The following OLFM1 variants were observed in gnomAD, a reference collection of about 807,000 sequenced individuals.
OLFM1 encodes the protein olfactomedin 1.
Under a neutral mutation model 49.7 loss-of-function variants are expected in OLFM1, and 9 were observed. That is an observed-to-expected ratio of 0.18 (90% confidence interval 0.11 to 0.32). The LOEUF (loss-of-function observed/expected upper bound fraction) is 0.32. Ranked by LOEUF, OLFM1 falls within the 10% of genes least tolerant of loss-of-function variation. The probability of loss-of-function intolerance (pLI) is 1.00; values close to 1 mark genes in which losing one functional copy is unlikely to be tolerated. For synonymous variants in OLFM1, 240 were observed against 271.8 expected (o/e 0.88, Z 1.15); for missense variants, 369 against 661.8 (o/e 0.56, Z 4.85).
rs534177262 is a variant in OLFM1 at position 135,088,724 on chromosome 9, G to C, written c.150+585G>C. Among the ~76,000 whole-genome samples the C allele has an allele frequency of 6.6e-6, 1 of 152,178 alleles. No homozygotes were observed. Among genetic ancestry groups the C allele is most frequent in the Non-Finnish European group, 1.5e-5 (1 of 68,024 alleles). ...CCTTTCCTCCCCAGTCCATAGGAGG[G>C]TTTGTTCCTTCTCCTCCGAGGACGG... is the stretch of plus-strand genomic sequence containing the variant. On this transcript the variant is annotated intron_variant, in intron 1 of 5. Coordinates refer to ENST00000371793, the MANE Select transcript of OLFM1 (RefSeq NM_001282611.2). This position sits in a 1 kb window ranked among gnomAD's most constrained non-coding sequence, Gnocchi z 4.8.
chr9:135,075,886 T>TGGCTC, intron 1 of OLFM1: 1 of 1,332,068 alleles, frequency 7.5e-7, no homozygotes, highest in Non-Finnish European at 9.8e-7. Context: ...GGAACGGCTC[T>TGGCTC]GGCTCCGCGC....
At chr9:135,075,524 C>A (rs1830450349) in exon 1 of OLFM1, 1 of 409,326 alleles carries the variant, frequency 2.4e-6, no homozygotes, top group Non-Finnish European at 4.3e-6. Context: ...GGAACCGGGA[C>A]GCGATAAATA....
chr9:135,116,016 C>T (rs892488712), intron 5 of OLFM1, among the ~76,000 whole-genome samples: 2 of 152,212 alleles, frequency 1.3e-5, no homozygotes, highest in Non-Finnish European at 2.9e-5. Flanking sequence ...GGCGCAAGTG[C>T]TCAATCTCCC....
At chr9:135,091,241 A>G (rs1465999335) in intron 2 of OLFM1, among the ~76,000 whole-genome samples, 2 of 152,218 alleles carry the variant, frequency 1.3e-5, no homozygotes, top group Admixed American at 6.5e-5. Context: ...AGGACCCCGT[A>G]TTCTGTGGTT....
chr9:135,102,590 C>A (rs1239335702), intron 4 of OLFM1, among the ~76,000 whole-genome samples: 2 of 152,198 alleles, frequency 1.3e-5, no homozygotes, highest in Non-Finnish European at 2.9e-5. Flanking sequence ...TGCCGTGACC[C>A]TTTCCTCAGT....
intron 1 of OLFM1, chr9:135,076,690 C>A: frequency 7.3e-7 from 1 of 1,376,512 alleles, no homozygotes; most frequent in Non-Finnish European, 9.6e-7. Flanking sequence ...ACGCTCTGAA[C>A]TGGGAGACTC....
rs1554753299 is a variant in OLFM1, at chr9:135,095,530, A to AAG, written c.301-320_301-319dup. On this transcript the variant is annotated intron_variant, in intron 2 of 5. Coordinates refer to ENST00000371793, the MANE Select transcript of OLFM1 (RefSeq NM_001282611.2). ...CCACCACTACCAAAAAAAAAAAAAAAAGAGAGAGAGAGAGATCAAGAGAAA... is the reference window on the plus strand; with the variant it reads ...CCACCACTACCAAAAAAAAAAAAAAAAGAGAGAGAGAGAGAGATCAAGAGAAA... 7.4e-3 allele frequency among the ~76,000 whole-genome samples: 1,010 copies of AAG among 137,234 alleles called. 23 individuals are homozygous for AAG. The highest frequency in any genetic ancestry group is 0.026 in the South Asian group (108 of 4,188). The allele number at this position is 137,234 out of a possible 152,430, so 90.0% of individuals were successfully genotyped here.
upstream of OLFM1, among the ~76,000 whole-genome samples, chr9:135,084,814 C>A (rs1226883977): frequency 2.0e-5 from 3 of 152,128 alleles, no homozygotes; most frequent in African/African-American, 7.2e-5. This position sits in a 1 kb window ranked among gnomAD's most constrained non-coding sequence, Gnocchi z 4.6. Flanking sequence ...GCTCTGGGAC[C>A]TGAGTAGGTT....
chr9:135,084,286 C>T (rs1378675601), upstream of OLFM1, among the ~76,000 whole-genome samples: 2 of 151,780 alleles, frequency 1.3e-5, no homozygotes, highest in East Asian at 3.9e-4. This position sits in a 1 kb window ranked among gnomAD's most constrained non-coding sequence, Gnocchi z 4.6. Context: ...TGTCTCTTCT[C>T]TCTCTGTGTC....
intron 5 of OLFM1, among the ~76,000 whole-genome samples, chr9:135,109,992 G>A (rs548682049): frequency 6.6e-6 from 1 of 152,216 alleles, no homozygotes; most frequent in Non-Finnish European, 1.5e-5. Context: ...AGCACTGACT[G>A]TATGTCCGGC....
upstream of OLFM1, among the ~76,000 whole-genome samples, chr9:135,083,757 C>T (rs896295799): frequency 4.6e-5 from 7 of 152,194 alleles, no homozygotes; most frequent in African/African-American, 1.7e-4. Flanking sequence ...ATTCGAGGGC[C>T]CTGGGCAAGG....
intron 2 of OLFM1, 71 bp downstream of exon 2, chr9:135,090,415 T>G: frequency 1.4e-6 from 2 of 1,474,628 alleles, no homozygotes; most frequent in African/African-American, 1.4e-5. Context: ...TGTACATGCC[T>G]GTGTGCTCAC....
intron 1 of OLFM1, chr9:135,077,420 T>G: frequency 1.4e-6 from 1 of 697,392 alleles, no homozygotes; most frequent in Non-Finnish European, 2.1e-6. Context: ...TTTTAAAGAT[T>G]CCCTGTTCTG....
In OLFM1 at chr9:135,119,944, C is replaced by T. The variant is rs1271867375; in HGVS notation, c.1224C>T (p.Ile408=). The part of the protein sequence containing the change: ...PKRSAGEAFI[I]CGTLYVTNGY... ...GCAGCGCCGGGGAGGCCTTCATCAT[C>T]TGCGGCACGCTGTACGTCACCAACG... The change falls in exon 6 of 6, where the codon ATC becomes ATT. Residue 408 remains isoleucine (I), a synonymous_variant. Transcript: ENST00000371793. 6.2e-7 allele frequency: 1 copy of T among 1,613,682 alleles called. No individual in the cohort carries two copies. Among genetic ancestry groups the T allele is most frequent in the Admixed American group, 1.7e-5 (1 of 60,032 alleles).
chr9:135,112,684 G>A (rs943733), intron 5 of OLFM1, among the ~76,000 whole-genome samples: 30,162 of 152,232 alleles, frequency 0.2, 3,068 homozygotes, highest in Middle Eastern at 0.29. Context: ...CTCCTGGGCC[G>A]CTGTGGATGC....
chr9:135,116,120 G>A (rs1831092905), intron 5 of OLFM1, among the ~76,000 whole-genome samples: 1 of 152,182 alleles, frequency 6.6e-6, no homozygotes, highest in East Asian at 1.9e-4. Flanking sequence ...TTGGAGAAAG[G>A]GGAAGAAAAA....
chr9:135,106,220 G>C (rs1830940952), intron 4 of OLFM1: 1 of 154,348 alleles, frequency 6.5e-6, no homozygotes, highest in African/African-American at 2.4e-5. Context: ...TCCCGGGTCA[G>C]TTCCGGGGCG....
At chr9:135,085,879 C>G (rs940911922), upstream of OLFM1, among the ~76,000 whole-genome samples, 1 of 151,984 alleles carries the variant, frequency 6.6e-6, no homozygotes, top group African/African-American at 2.4e-5. Context: ...GGAGCAGGTG[C>G]AGGTTGGAGC....
exon 1 of OLFM1, chr9:135,075,795 T>C: frequency 6.2e-7 from 1 of 1,603,310 alleles, no homozygotes. Flanking sequence ...GGCACTGAAC[T>C]CACTCAAGTA....
Sources: allele counts gnomAD v4.1 joint callset (sites outside exome capture counted in the v4.1 genomes callset), GRCh38; gene constraint gnomAD v4.1.1; non-coding constraint Gnocchi (gnomAD v3.1); transcripts MANE v1.5; gene names NCBI Gene and HGNC (gene_info 2026-07-23, HGNC 2026-07-21).